Variants in SEL1L observed in about 807,000 individuals in gnomAD.
The protein encoded by SEL1L is protein sel-1 homolog 1.
A neutral mutation model predicts 109.8 loss-of-function variants in SEL1L; 52 were observed. The ratio of observed to expected loss-of-function variants is 0.47; its 90% confidence interval spans 0.38 to 0.60. The LOEUF is 0.60. Ranked by LOEUF, SEL1L falls within the 20% of genes least tolerant of loss-of-function variation. The probability of loss-of-function intolerance (pLI) is 0.00; values close to 1 mark genes in which losing one functional copy is unlikely to be tolerated. For missense variants in SEL1L, 749 were observed against 962.2 expected (o/e 0.78, Z 2.93); for synonymous variants, 373 against 339.6 (o/e 1.10, Z -1.08).
At chr14:81,486,536 A>G in intron 16 of SEL1L, 82 bp from the exon 17 acceptor site, 1 of 1,372,306 alleles carries the variant, frequency 7.3e-7, no homozygotes, top group Admixed American at 1.9e-5. Flanking sequence ...CTTTGGTTAC[A>G]CATGACTATT....
At position 81,495,012 on chromosome 14, in the gene SEL1L, A is replaced by G. The variant is rs1883686351; in HGVS notation, c.1185+69T>C. The G allele has an allele frequency of 3.4e-6, 5 of 1,476,502 alleles. No individual in the cohort carries two copies. The East Asian group carries it at 1.1e-4, about 34-fold the overall frequency. 91.5% of individuals were successfully genotyped at this position (1,476,502 alleles called of 1,614,324 possible). On this transcript the variant is annotated intron_variant, in intron 11 of 20. Transcript: ENST00000336735. ...AGTTTGATACTGGTATTGACTTAGCAAGAAATACATTGGGAACATCATTTC... is the reference window on the plus strand; with the variant it reads ...AGTTTGATACTGGTATTGACTTAGCGAGAAATACATTGGGAACATCATTTC...
chr14:81,528,582 T>C (rs1885204341), intron 1 of SEL1L, among the ~76,000 whole-genome samples: 1 of 152,178 alleles, frequency 6.6e-6, no homozygotes, highest in South Asian at 2.1e-4. Context: ...TGGAAATGCT[T>C]GATTTTTGTA....
intron 3 of SEL1L, among the ~76,000 whole-genome samples, chr14:81,523,642 C>CA (rs1207400406): frequency 4.6e-5 from 7 of 152,196 alleles, no homozygotes; most frequent in Middle Eastern, 6.8e-3. Context: ...GAAGCACAGA[C>CA]AACCCGGGGC....
intron 20 of SEL1L, among the ~76,000 whole-genome samples, chr14:81,479,109 A>G (rs546399088): frequency 1.8e-4 from 28 of 152,330 alleles, no homozygotes; most frequent in African/African-American, 6.7e-4. Flanking sequence ...CTTCCTATAT[A>G]GGTTCTTCCA....
chr14:81,485,248 A>G (rs1479881898), intron 18 of SEL1L, among the ~76,000 whole-genome samples: 1 of 152,142 alleles, frequency 6.6e-6, no homozygotes, highest in Admixed American at 6.5e-5. Flanking sequence ...ATATGCAAAC[A>G]AATTAAGTCA....
At chr14:81,513,336 T>C (rs992158992) in intron 3 of SEL1L, among the ~76,000 whole-genome samples, 2 of 152,200 alleles carry the variant, frequency 1.3e-5, no homozygotes, top group Non-Finnish European at 2.9e-5. Flanking sequence ...CAATAAATCT[T>C]GTTGCTGCTC....
rs140988861 is a variant in SEL1L at position 81,486,393 on chromosome 14, C to T, written c.1694G>A (p.Ser565Asn). 1.2e-3 allele frequency: 1,877 copies of T among 1,614,098 alleles called. 4 individuals are homozygous for T. The highest frequency in any genetic ancestry group is 1.5e-3 in the Non-Finnish European group (1,749 of 1,180,002). ...AGCATTGTAATCGCCATCTTTATAG[C>T]TGTTATAGGCAGTCATAAGCCTTTC... Reference protein sequence around the residue: ...WSERLMTAYNSYKDGDYNAAV... With the variant: ...WSERLMTAYNNYKDGDYNAAV... The change falls in exon 17 of 21, where the codon AGC becomes AAC. Residue 565 changes from serine to asparagine, a missense_variant. Coordinates refer to ENST00000336735, the MANE Select transcript of SEL1L (RefSeq NM_005065.6).
chr14:81,523,605 G>C (rs1453936655), intron 3 of SEL1L, among the ~76,000 whole-genome samples: 1 of 152,134 alleles, frequency 6.6e-6, no homozygotes, highest in Admixed American at 6.5e-5. Context: ...GGGGTTGTGG[G>C]AACCCTGATT....
chr14:81,482,056 G>A (rs983308953), intron 19 of SEL1L, among the ~76,000 whole-genome samples: 12 of 151,588 alleles, frequency 7.9e-5, no homozygotes, highest in Non-Finnish European at 1.8e-4. Flanking sequence ...AAGTAATGGA[G>A]TTACTGATTT....
At chr14:81,527,614 T>C in intron 2 of SEL1L, 87 bp downstream of exon 2, 1 of 859,766 alleles carries the variant, frequency 1.2e-6, no homozygotes. Context: ...ACTCAAAAGT[T>C]GCAGACCTCA....
chr14:81,499,903 CT>C (rs67769195), intron 6 of SEL1L, among the ~76,000 whole-genome samples: 5,965 of 119,116 alleles, frequency 0.05, 94 homozygotes, highest in African/African-American at 0.13. Context: ...TTATTTGTGG[CT>C]TTTTTTTTTT....
At chr14:81,501,684 A>G (rs1331524238) in intron 6 of SEL1L, among the ~76,000 whole-genome samples, 1 of 152,138 alleles carries the variant, frequency 6.6e-6, no homozygotes, top group Admixed American at 6.6e-5. Flanking sequence ...ATAAGCTTGA[A>G]TTATTGAAGG....
intron 20 of SEL1L, 23 bp downstream of exon 20, chr14:81,479,589 G>A: frequency 1.3e-6 from 2 of 1,581,480 alleles, no homozygotes; most frequent in South Asian, 2.3e-5. Flanking sequence ...ATATTTTAAT[G>A]AAAAGAGGTA....
chr14:81,490,441 C>T lies in SEL1L; in HGVS notation c.1279G>A (p.Val427Ile), dbSNP rs1282456467. 3 of 1,613,870 alleles carry T rather than the reference C, an allele frequency of 1.9e-6. No individual in the cohort carries two copies. The highest frequency in any genetic ancestry group is 2.2e-5 in the East Asian group (1 of 44,866). The change falls in exon 13 of 21, where the codon GTA (valine) becomes ATA (isoleucine). Residue 427 changes from valine to isoleucine, a missense_variant. By Grantham distance (29) the Val-to-Ile change is conservative (BLOSUM62 3). Transcript: ENST00000336735. ...AGAGCTGTCTCATTACTCTGAGGTA[C>T]AATGTCACTTCCTTCCGAATACATC... is the stretch of plus-strand genomic sequence containing the variant. ...GKMYSEGSDI[V>I]PQSNETALHY...
At chr14:81,518,150 C>T (rs12897062) in intron 3 of SEL1L, among the ~76,000 whole-genome samples, 83,162 of 150,876 alleles carry the variant, frequency 0.55, 26,374 homozygotes, top group East Asian at 0.74. Flanking sequence ...GCCTTGGCCT[C>T]CCAAAATGCT....
At chr14:81,521,491 A>G (rs1184711071) in intron 3 of SEL1L, among the ~76,000 whole-genome samples, 4 of 152,252 alleles carry the variant, frequency 2.6e-5, no homozygotes, top group African/African-American at 9.6e-5. Context: ...CATGTGACAC[A>G]TCATAACTTC....
chr14:81,523,133 T>C (rs1884988288), intron 3 of SEL1L, among the ~76,000 whole-genome samples: 1 of 152,128 alleles, frequency 6.6e-6, no homozygotes, highest in Non-Finnish European at 1.5e-5. Flanking sequence ...ATGAGAAAAT[T>C]GGTGGCTGGA....
intron 3 of SEL1L, among the ~76,000 whole-genome samples, chr14:81,507,911 T>C (rs149260481): frequency 6.6e-6 from 1 of 152,224 alleles, no homozygotes; most frequent in Non-Finnish European, 1.5e-5. Context: ...ATCCTACCAC[T>C]TATTAGCTGT....
chr14:81,474,105 T>C lies in SEL1L; in HGVS notation c.*2867A>G, dbSNP rs566972998. The C allele has an allele frequency of 5.3e-5, 8 of 152,162 alleles. No individual in the cohort carries two copies. The highest frequency in any genetic ancestry group is 1.4e-4 in the African/African-American group (6 of 41,562). The allele number at this position is 152,162 out of a possible 1,614,324, so 9.4% of individuals were successfully genotyped here. A position where few individuals can be genotyped will look rare whatever the true frequency, so the allele number is the denominator to read the frequency against. On this transcript the variant is annotated 3_prime_UTR_variant, in exon 21 of 21. Transcript: ENST00000336735. Reference sequence around the variant, plus strand: ...CCTTAGTATCAAGATTAATAATTTATAAATTCATCTGAGTTAAGTGCTAAA... The same window carrying C: ...CCTTAGTATCAAGATTAATAATTTACAAATTCATCTGAGTTAAGTGCTAAA...
Sources: allele counts gnomAD v4.1 joint callset (sites outside exome capture counted in the v4.1 genomes callset), GRCh38; gene constraint gnomAD v4.1.1; transcripts MANE v1.5; gene names NCBI Gene and HGNC (gene_info 2026-07-23, HGNC 2026-07-21).